MBD5: variants seen among roughly 807,000 people sequenced by gnomAD.
The protein encoded by MBD5 is methyl-CpG-binding domain protein 5.
In MBD5, 13 loss-of-function variants were observed where a neutral mutation model predicts 117.3. The ratio of observed to expected loss-of-function variants is 0.11; its 90% confidence interval spans 0.07 to 0.18. The LOEUF (loss-of-function observed/expected upper bound fraction) is 0.18, where lower values mean the gene tolerates loss of function less well. Ranked by LOEUF, MBD5 falls within the 10% of genes least tolerant of loss-of-function variation. MBD5 has a pLI of 1.00. For synonymous variants in MBD5, 727 were observed against 766.4 expected (o/e 0.95, Z 0.85); for missense variants, 1,879 against 2,093.8 (o/e 0.90, Z 2.00).
chr2:148,118,424 A>G (rs1419076009), intron 1 of MBD5, among the ~76,000 whole-genome samples: 1 of 149,124 alleles, frequency 6.7e-6, no homozygotes. Context: ...AGCCTGGGCA[A>G]CATAAAAAAA....
intron 4 of MBD5, among the ~76,000 whole-genome samples, chr2:148,345,032 T>C (rs754508950): frequency 1.3e-5 from 2 of 151,842 alleles, no homozygotes; most frequent in Non-Finnish European, 2.9e-5. Context: ...TATTACCGTA[T>C]ACCAAGGTTG....
chr2:148,418,329 G>A (rs1281396836), intron 4 of MBD5, among the ~76,000 whole-genome samples: 4 of 151,774 alleles, frequency 2.6e-5, no homozygotes, highest in Admixed American at 6.6e-5. Context: ...TTGTTTTGTT[G>A]CATTTGCTTT....
intron 13 of MBD5, 114 bp downstream of exon 13, chr2:148,510,249 A>G (rs1682177354): frequency 1.4e-6 from 1 of 728,808 alleles, no homozygotes; most frequent in Admixed American, 2.5e-5. Flanking sequence ...ATACTAAATT[A>G]CTAGCCTAGA....
chr2:148,474,746 A>G (rs1680905705), intron 8 of MBD5, among the ~76,000 whole-genome samples: 1 of 152,150 alleles, frequency 6.6e-6, no homozygotes, highest in African/African-American at 2.4e-5. Flanking sequence ...ACTGCAAAAG[A>G]AAGTTTTCTT....
intron 4 of MBD5, among the ~76,000 whole-genome samples, chr2:148,382,560 A>C (rs1704186471): frequency 6.6e-6 from 1 of 152,192 alleles, no homozygotes; most frequent in Non-Finnish European, 1.5e-5. Flanking sequence ...ACAGAAAATT[A>C]ACAAGGATAT....
chr2:148,371,038 AG>A (rs1703838197), intron 4 of MBD5, among the ~76,000 whole-genome samples: 1 of 152,214 alleles, frequency 6.6e-6, no homozygotes, highest in South Asian at 2.1e-4. Flanking sequence ...ATAAGCGTTA[AG>A]AAAGAAAGGA....
At chr2:148,173,641 C>T (rs921158174) in intron 1 of MBD5, among the ~76,000 whole-genome samples, 1 of 152,132 alleles carries the variant, frequency 6.6e-6, no homozygotes, top group Non-Finnish European at 1.5e-5. Flanking sequence ...TTTGCTTGTG[C>T]CCAGCAGTAA....
intron 3 of MBD5, among the ~76,000 whole-genome samples, chr2:148,274,287 T>C (rs949052146): frequency 2.0e-5 from 3 of 152,150 alleles, no homozygotes; most frequent in African/African-American, 7.2e-5. Context: ...CGTGCAGTTT[T>C]GTTACATAGG....
intron 3 of MBD5, among the ~76,000 whole-genome samples, chr2:148,314,970 G>A (rs562224714): frequency 6.6e-6 from 1 of 152,110 alleles, no homozygotes; most frequent in East Asian, 1.9e-4. Flanking sequence ...ATTGTTCATG[G>A]ATATTTCATG....
chr2:148,159,361 A>T (rs116665131), intron 1 of MBD5, among the ~76,000 whole-genome samples: 1,874 of 152,232 alleles, frequency 0.012, 44 homozygotes, highest in African/African-American at 0.043. Flanking sequence ...TCTGTCTCCC[A>T]GGCTGGAGTG....
chr2:148,154,284 C>T (rs1697790772), intron 1 of MBD5, among the ~76,000 whole-genome samples: 1 of 152,102 alleles, frequency 6.6e-6, no homozygotes, highest in African/African-American at 2.4e-5. Context: ...AGGCAGTCTG[C>T]CCGTTCTCAG....
At chr2:148,380,256 A>G (rs763645583) in intron 4 of MBD5, among the ~76,000 whole-genome samples, 4 of 152,208 alleles carry the variant, frequency 2.6e-5, no homozygotes, top group Non-Finnish European at 5.9e-5. Flanking sequence ...GAAGAAAATG[A>G]CAAATTCAGC....
At chr2:148,204,147 C>T (rs1699215979) in intron 2 of MBD5, among the ~76,000 whole-genome samples, 1 of 152,012 alleles carries the variant, frequency 6.6e-6, no homozygotes, top group Admixed American at 6.6e-5. Flanking sequence ...AAAGCAAGGA[C>T]TCTGGAAAAG....
intron 4 of MBD5, among the ~76,000 whole-genome samples, chr2:148,443,741 G>T (rs1197529298): frequency 6.6e-6 from 1 of 151,164 alleles, no homozygotes; most frequent in Non-Finnish European, 1.5e-5. Flanking sequence ...GTTACCAGAG[G>T]CTGGGAAGGG....
chr2:148,367,516 A>G (rs181078473), intron 4 of MBD5, among the ~76,000 whole-genome samples: 91 of 152,370 alleles, frequency 6.0e-4, no homozygotes, highest in African/African-American at 1.9e-3. Context: ...ACAGCAAAAG[A>G]AACTGTCATC....
At chr2:148,449,838 T>G (rs1465097490) in intron 4 of MBD5, among the ~76,000 whole-genome samples, 1 of 152,048 alleles carries the variant, frequency 6.6e-6, no homozygotes, top group East Asian at 1.9e-4. Context: ...CTTCTACAGA[T>G]ATAACACTTA....
At chr2:148,428,913 A>G (rs1332490140) in intron 4 of MBD5, among the ~76,000 whole-genome samples, 1 of 152,214 alleles carries the variant, frequency 6.6e-6, no homozygotes, top group Non-Finnish European at 1.5e-5. Flanking sequence ...CCTGGGCACT[A>G]CCATTCAAGA....
At chr2:148,139,665 A>G (rs540173072) in intron 1 of MBD5, among the ~76,000 whole-genome samples, 36 of 152,288 alleles carry the variant, frequency 2.4e-4, no homozygotes, top group African/African-American at 8.7e-4. Flanking sequence ...CCAGACAACA[A>G]AAAGTACAGA....
chr2:148,511,636 A>G (rs1002648131), intron 13 of MBD5, among the ~76,000 whole-genome samples: 1 of 139,742 alleles, frequency 7.2e-6, no homozygotes, highest in Non-Finnish European at 1.5e-5. Flanking sequence ...ATGGCTAAAC[A>G]AAATACCATT....
Sources: gnomAD v4.1 joint callset for allele counts (sites outside exome capture counted in the v4.1 genomes callset) on GRCh38, gnomAD v4.1.1 for gene constraint, MANE v1.5 for transcripts, NCBI Gene and HGNC (gene_info 2026-07-23, HGNC 2026-07-21) for gene names.